Variants in NME7 observed in about 807,000 individuals in gnomAD.
NME7 encodes NME/NM23 family member 7.
A neutral mutation model predicts 49.1 loss-of-function variants in NME7; 41 were observed. The ratio of observed to expected loss-of-function variants is 0.83; its 90% CI spans 0.65 to 1.08. The LOEUF (loss-of-function observed/expected upper bound fraction) is 1.08. Ranked by LOEUF, NME7 falls within the 50% of genes least tolerant of loss-of-function variation. The pLI is 0.00. For missense variants in NME7, 423 were observed against 463.4 expected (o/e 0.91, Z 0.80); for synonymous variants, 139 against 150.6 (o/e 0.92, Z 0.56).
chr1:169,251,804 T>C (rs1441401791), intron 7 of NME7, among the ~76,000 whole-genome samples: 1 of 150,432 alleles, frequency 6.6e-6, no homozygotes, highest in Admixed American at 6.7e-5. Context: ...AGTGAGAATA[T>C]GCAGTGTTTG....
rs1650813083 is a variant in NME7, at chr1:169,298,720, C to G, written c.484G>C (p.Glu162Gln). Residue 162 changes from glutamate (E) to glutamine (Q), a missense_variant, in exon 6 of 12, where the codon GAG becomes CAG. By Grantham distance (29) the Glu-to-Gln change is conservative (BLOSUM62 2). Transcript: ENST00000367811. ...FITTGPIIAM[E>Q]ILRDDAICEW... ...CATATAGCATCATCTCTTAAAATCT[C>G]CATGGCAATAATAGGACCAGTTGTA... 6.2e-7 allele frequency: 1 copy of G among 1,613,800 alleles called. No individual in the cohort carries two copies. The highest frequency in any genetic ancestry group is 1.3e-5 in the African/African-American group (1 of 75,002).
At chr1:169,285,817 T>C (rs1650257500) in intron 7 of NME7, 1 of 152,226 alleles carries the variant, frequency 6.6e-6, no homozygotes, top group Non-Finnish European at 1.5e-5. Context: ...ATTTACAATA[T>C]ACTAAAATAC....
At chr1:169,171,426 T>A (rs759913951) in intron 10 of NME7, among the ~76,000 whole-genome samples, 1 of 152,096 alleles carries the variant, frequency 6.6e-6, no homozygotes, top group Non-Finnish European at 1.5e-5. Context: ...ATTACTTTCA[T>A]ATAAGTGTCT....
At chr1:169,145,835 G>A (rs1342176178) in intron 11 of NME7, among the ~76,000 whole-genome samples, 1 of 152,212 alleles carries the variant, frequency 6.6e-6, no homozygotes, top group East Asian at 1.9e-4. Context: ...ACAATTGTGA[G>A]TGCACAGTGC....
chr1:169,259,874 C>A lies in NME7; in HGVS notation c.755-22187G>T, dbSNP rs1288004351. Reference sequence around the variant, plus strand: ...GACCTGTAACCACAATTTCAAGAGTCATTTTTAAGCACACTAGAGTCACTT... The same window carrying A: ...GACCTGTAACCACAATTTCAAGAGTAATTTTTAAGCACACTAGAGTCACTT... On this transcript the variant is annotated intron_variant, in intron 7 of 11. Transcript: ENST00000367811. Among the ~76,000 whole-genome samples the A allele has an allele frequency of 1.5e-5, 2 of 133,546 alleles. 1 individual carries two copies. Among genetic ancestry groups the A allele is most frequent in the African/African-American group, 5.1e-5 (2 of 39,562 alleles). The allele number at this position is 133,546 out of a possible 152,430, so 87.6% of individuals were successfully genotyped here.
chr1:169,288,447 C>T (rs1227471401), intron 6 of NME7, among the ~76,000 whole-genome samples: 1 of 152,056 alleles, frequency 6.6e-6, no homozygotes, highest in Non-Finnish European at 1.5e-5. Context: ...GTGAGTTTCA[C>T]CTCTTGCAAA....
rs188225756 is a variant in NME7 at position 169,214,204 on chromosome 1, G to C, written c.990+16514C>G. Among the ~76,000 whole-genome samples, 123 of 152,316 alleles carry C rather than the reference G, an allele frequency of 8.1e-4. 1 individual carries two copies. Among genetic ancestry groups the C allele is most frequent in the African/African-American group, 2.8e-3 (117 of 41,568 alleles). On this transcript the variant is annotated intron_variant, in intron 10 of 11. Coordinates refer to ENST00000367811, the MANE Select transcript of NME7 (RefSeq NM_013330.5). Reference sequence around the variant, plus strand: ...GTTAGAAGCAAGTGGTTTGGAAAGGGAGCTTATATCATGGATTAAAATTAG... The same window carrying C: ...GTTAGAAGCAAGTGGTTTGGAAAGGCAGCTTATATCATGGATTAAAATTAG...
At chr1:169,168,943 C>G (rs1033591998) in intron 11 of NME7, 2 of 452,140 alleles carry the variant, frequency 4.4e-6, no homozygotes, top group Admixed American at 2.4e-5. Context: ...CAGCACAGTT[C>G]AAACATTGTT....
At chr1:169,324,045 G>C (rs1651960062) in intron 2 of NME7, among the ~76,000 whole-genome samples, 1 of 151,434 alleles carries the variant, frequency 6.6e-6, no homozygotes. Flanking sequence ...AGTAGAGATG[G>C]GTTTTCACCA....
chr1:169,354,228 T>G (rs1394301608), intron 1 of NME7, among the ~76,000 whole-genome samples: 1 of 152,096 alleles, frequency 6.6e-6, no homozygotes, highest in African/African-American at 2.4e-5. Flanking sequence ...AAAATGTGAT[T>G]CTGTCATTTG....
chr1:169,281,132 T>G (rs1056215984), intron 7 of NME7, among the ~76,000 whole-genome samples: 4 of 152,168 alleles, frequency 2.6e-5, no homozygotes, highest in Non-Finnish European at 5.9e-5. Context: ...CTTATTTCCT[T>G]GAGCAGTGGT....
rs1175654925 is a variant in NME7 at position 169,355,237 on chromosome 1, ATATAT to A, written c.3+12466_3+12470del. Among the ~76,000 whole-genome samples, 9 of 70,944 alleles carry A rather than the reference ATATAT, an allele frequency of 1.3e-4. 1 individual carries two copies. Among genetic ancestry groups the A allele is most frequent in the African/African-American group, 4.3e-4 (8 of 18,558 alleles). 46.5% of individuals were successfully genotyped at this position (70,944 alleles called of 152,430 possible). ...TTATATATTATAGATATAATATATA[ATATAT>A]TATATATTATATCTATATATAATAT... On this transcript the variant is annotated intron_variant, in intron 1 of 11. Coordinates refer to ENST00000367811, the MANE Select transcript of NME7 (RefSeq NM_013330.5).
At chr1:169,155,434 A>G (rs906707990) in intron 11 of NME7, among the ~76,000 whole-genome samples, 4 of 152,272 alleles carry the variant, frequency 2.6e-5, no homozygotes, top group African/African-American at 9.6e-5. Context: ...GGTGATAACA[A>G]AAAGCAGACA....
At chr1:169,212,240 ATTTAC>A (rs1660845516) in intron 10 of NME7, among the ~76,000 whole-genome samples, 1 of 152,126 alleles carries the variant, frequency 6.6e-6, no homozygotes, top group Non-Finnish European at 1.5e-5. Context: ...TTACTTTGCT[ATTTAC>A]TTAATAAATT....
At position 169,354,387 on chromosome 1, in the gene NME7, G is replaced by C. The variant is rs569246692; in HGVS notation, c.3+13321C>G. Among the ~76,000 whole-genome samples the C allele has an allele frequency of 2.0e-5, 3 of 152,040 alleles. No individual in the cohort carries two copies. In the East Asian group the frequency reaches 5.8e-4, roughly 29 times the overall value. ...AGTAGAAGGCTGGGAAAGGTAGTAG[G>C]GGGTTGTGGAGTTGAGGATGGTTAA... On this transcript the variant is annotated intron_variant, in intron 1 of 11. Transcript: ENST00000367811.
In NME7 at chr1:169,349,049, G is replaced by T. The variant is rs1428071041; in HGVS notation, c.3+18659C>A. Among the ~76,000 whole-genome samples, 8 of 152,184 alleles carry T rather than the reference G, an allele frequency of 5.3e-5. No individual in the cohort carries two copies. The South Asian group carries it at 1.2e-3, about 24-fold the overall frequency. On this transcript the variant is annotated intron_variant, in intron 1 of 11. Coordinates refer to ENST00000367811, the MANE Select transcript of NME7 (RefSeq NM_013330.5). ...AAACTGAGGTTTCCTTATGTGAAAA[G>T]AATATACAGTAGGCATTCAATAAGT...
intron 7 of NME7, among the ~76,000 whole-genome samples, chr1:169,278,029 AC>A (rs1649816321): frequency 6.6e-6 from 1 of 151,576 alleles, no homozygotes; most frequent in Non-Finnish European, 1.5e-5. Context: ...CTCTCTTCTG[AC>A]TTGTAGAGTT....
intron 3 of NME7, chr1:169,310,889 A>C (rs1651356072): frequency 6.6e-6 from 1 of 152,198 alleles, no homozygotes; most frequent in Non-Finnish European, 1.5e-5. Context: ...TAATATTATT[A>C]AAAAGGGGCA....
chr1:169,262,634 T>G (rs964635576), intron 7 of NME7, among the ~76,000 whole-genome samples: 3 of 132,552 alleles, frequency 2.3e-5, no homozygotes, highest in African/African-American at 7.7e-5. Context: ...TGGGCACCAG[T>G]CTGTCGGGGC....
Sources: gnomAD v4.1 joint callset for allele counts (sites outside exome capture counted in the v4.1 genomes callset) on GRCh38, gnomAD v4.1.1 for gene constraint, MANE v1.5 for transcripts, NCBI Gene and HGNC (gene_info 2026-07-23, HGNC 2026-07-21) for gene names.